RNLS: variants seen among roughly 807,000 people sequenced by gnomAD.
RNLS encodes renalase, FAD dependent amine oxidase, also known as renalase.
In RNLS, 39 loss-of-function variants were observed where a neutral mutation model predicts 39.8. The observed-to-expected ratio is 0.98, with a 90% CI of 0.76 to 1.28. The LOEUF (loss-of-function observed/expected upper bound fraction) is 1.28, where lower values mean the gene tolerates loss of function less well. Among genes scored for constraint, RNLS ranks in the 50% most tolerant of loss-of-function variants. RNLS has a pLI of 0.00. For synonymous variants in RNLS, 147 were observed against 150.7 expected (o/e 0.98, Z 0.18); for missense variants, 410 against 413.3 (o/e 0.99, Z 0.07).
intron 4 of RNLS, among the ~76,000 whole-genome samples, chr10:88,465,536 C>T (rs1037806440): frequency 3.9e-5 from 6 of 152,014 alleles, no homozygotes; most frequent in Admixed American, 3.9e-4. Flanking sequence ...AAGAGGATCA[C>T]TTGATCCAGA....
chr10:88,535,805 G>T (rs959449032), intron 4 of RNLS, among the ~76,000 whole-genome samples: 3 of 152,242 alleles, frequency 2.0e-5, no homozygotes, highest in Admixed American at 2.0e-4. Context: ...CCACAGCTAG[G>T]ATTCTAGGGA....
At chr10:88,428,593 T>C (rs1854951217) in intron 4 of RNLS, among the ~76,000 whole-genome samples, 1 of 151,916 alleles carries the variant, frequency 6.6e-6, no homozygotes, top group South Asian at 2.1e-4. Context: ...CACAAATGTG[T>C]AAACAAATGT....
At chr10:88,387,088 A>G (rs1851905352) in intron 4 of RNLS, among the ~76,000 whole-genome samples, 1 of 152,224 alleles carries the variant, frequency 6.6e-6, no homozygotes, top group Admixed American at 6.5e-5. Context: ...AATATTGAAC[A>G]TGGAATAGCT....
intron 4 of RNLS, among the ~76,000 whole-genome samples, chr10:88,377,031 A>C (rs1000958391): frequency 1.1e-4 from 15 of 134,936 alleles, no homozygotes; most frequent in African/African-American, 4.1e-4. Flanking sequence ...GTAGTGAATT[A>C]TTTTATATGG....
the RNLS span, among the ~76,000 whole-genome samples, chr10:88,219,420 A>C: frequency 6.6e-6 from 1 of 152,214 alleles, no homozygotes; most frequent in Non-Finnish European, 1.5e-5. Context: ...AGAAACCTAC[A>C]GTGATTTCCT....
In RNLS at chr10:88,338,491, A is replaced by G. The variant is rs561807063; in HGVS notation, c.701-23850T>C. Among the ~76,000 whole-genome samples the G allele has an allele frequency of 3.3e-5, 5 of 152,382 alleles. No homozygotes were observed. In the South Asian group the frequency reaches 1.0e-3, roughly 32 times the overall value. Reference sequence around the variant, plus strand: ...ATTCACAAGCGTCACAGATCCATGGAAAGTCATGTGTAACTAACAGCAGGT... The same window carrying G: ...ATTCACAAGCGTCACAGATCCATGGGAAGTCATGTGTAACTAACAGCAGGT... On this transcript the variant is annotated intron_variant, in intron 5 of 6. Transcript: ENST00000331772.
chr10:88,215,691 A>ATT, the RNLS span, among the ~76,000 whole-genome samples: 15,702 of 95,172 alleles, frequency 0.16, 1,568 homozygotes, highest in Non-Finnish European at 0.22. Context: ...ACCATCTGTA[A>ATT]TTTTTTTTTT....
chr10:88,232,659 C>T, the RNLS span, among the ~76,000 whole-genome samples: 16 of 152,254 alleles, frequency 1.1e-4, no homozygotes, highest in South Asian at 2.3e-3. Flanking sequence ...TTTTGTCATC[C>T]GATCATTGGC....
intron 4 of RNLS, among the ~76,000 whole-genome samples, chr10:88,505,722 T>A (rs1845754403): frequency 6.6e-6 from 1 of 152,078 alleles, no homozygotes; most frequent in South Asian, 2.1e-4. Context: ...AGATAACTCA[T>A]TAATTACAAA....
At chr10:88,448,368 A>G (rs1032311374) in intron 4 of RNLS, among the ~76,000 whole-genome samples, 15 of 152,222 alleles carry the variant, frequency 9.9e-5, no homozygotes, top group African/African-American at 3.1e-4. Flanking sequence ...TCAAAAGAAG[A>G]CATTTATGCA....
chr10:88,562,185 C>T (rs1358259601), intron 4 of RNLS, among the ~76,000 whole-genome samples: 2 of 151,978 alleles, frequency 1.3e-5, no homozygotes, highest in Admixed American at 6.6e-5. Context: ...GGGATCTTAT[C>T]ACCCAATATA....
At chr10:88,286,851 G>A (rs1843308621) in intron 6 of RNLS, among the ~76,000 whole-genome samples, 2 of 150,138 alleles carry the variant, frequency 1.3e-5, no homozygotes, top group South Asian at 4.2e-4. Flanking sequence ...GAAGTGCCAT[G>A]GCATGATCAT....
chr10:88,265,333 T>G, the RNLS span, among the ~76,000 whole-genome samples: 1 of 147,218 alleles, frequency 6.8e-6, no homozygotes, highest in African/African-American at 2.5e-5. Flanking sequence ...CTTTTTTTTT[T>G]TTTTTTTTTT....
At chr10:88,539,652 T>C (rs776895780) in intron 4 of RNLS, among the ~76,000 whole-genome samples, 1 of 152,130 alleles carries the variant, frequency 6.6e-6, no homozygotes, top group Non-Finnish European at 1.5e-5. Context: ...AGTACATCTG[T>C]GTTATGAATC....
At chr10:88,455,437 T>C (rs1399310274) in intron 4 of RNLS, among the ~76,000 whole-genome samples, 1 of 152,158 alleles carries the variant, frequency 6.6e-6, no homozygotes, top group Non-Finnish European at 1.5e-5. Context: ...GACAGAGTCT[T>C]GCTCTGTTGC....
intron 4 of RNLS, among the ~76,000 whole-genome samples, chr10:88,455,638 T>C (rs2133914591): frequency 6.6e-6 from 1 of 152,118 alleles, no homozygotes; most frequent in East Asian, 1.9e-4. Context: ...GATCTCTTGA[T>C]CTCGTGATCC....
intron 6 of RNLS, among the ~76,000 whole-genome samples, chr10:88,289,477 A>C (rs1843517673): frequency 6.6e-6 from 1 of 152,158 alleles, no homozygotes. Flanking sequence ...CTCAGTATAA[A>C]CATCACCTGC....
At chr10:88,187,147 TATATATATATAATATATATA>T in the RNLS span, among the ~76,000 whole-genome samples, 1 of 116,208 alleles carries the variant, frequency 8.6e-6, no homozygotes, top group East Asian at 2.0e-4. Flanking sequence ...GCTCAAAAAA[TATATATATATAATATATATA>T]ATATATATAT....
chr10:88,546,364 T>C (rs1848313579), intron 4 of RNLS, among the ~76,000 whole-genome samples: 2 of 151,940 alleles, frequency 1.3e-5, no homozygotes, highest in Non-Finnish European at 2.9e-5. Context: ...AAAGAAAAAA[T>C]GATTTGCTGA....
Sources: allele counts gnomAD v4.1 joint callset (sites outside exome capture counted in the v4.1 genomes callset), GRCh38; gene constraint gnomAD v4.1.1; transcripts MANE v1.5; gene names NCBI Gene and HGNC (gene_info 2026-07-23, HGNC 2026-07-21).